C2CD2: variants seen among roughly 807,000 people sequenced by gnomAD.
C2CD2 encodes C2 calcium dependent domain containing 2.
A neutral mutation model predicts 74.3 loss-of-function variants in C2CD2; 43 were observed. The ratio of observed to expected loss-of-function variants is 0.58; its 90% CI spans 0.45 to 0.75. The LOEUF is 0.75. Ranked by LOEUF, C2CD2 falls within the 30% of genes least tolerant of loss-of-function variation. C2CD2 has a pLI of 0.00. For synonymous variants in C2CD2, 422 were observed against 390.7 expected (o/e 1.08, Z -0.94); for missense variants, 801 against 916.3 (o/e 0.87, Z 1.63).
Position 41,953,674 on chromosome 21 carries a change from C to A in C2CD2, c.-26G>T. 7.2e-7 allele frequency: 1 copy of A among 1,382,950 alleles called. No homozygotes were observed. 85.7% of individuals were successfully genotyped at this position (1,382,950 alleles called of 1,614,324 possible). On this transcript the variant is annotated 5_prime_UTR_variant, in exon 1 of 14. Coordinates refer to ENST00000380486, the MANE Select transcript of C2CD2 (RefSeq NM_015500.2). ...GGCGCATCCCCGGCCCGCCTCGCCC[C>A]AACTTCCCCGGCAGCCCCGGGCCGG...
Position 41,907,052 on chromosome 21 carries a change from C to T in C2CD2, c.1258G>A (p.Val420Ile). Residue 420 changes from valine (V) to isoleucine (I), a missense_variant, in exon 10 of 14, where the codon GTC becomes ATC. By Grantham distance (29) the Val-to-Ile change is conservative (BLOSUM62 3). Transcript: ENST00000380486. ...CGAGGCTTGGTCTTCACAGCAGTGA[C>T]AGTAGTGACCACAGTCCCACAGGGC... ...VMPCGTVVTT[V>I]TAVKTKPRVD... 1.9e-6 allele frequency: 3 copies of T among 1,614,100 alleles called. No homozygotes were observed. The highest frequency in any genetic ancestry group is 3.3e-4 in the Middle Eastern group (2 of 6,060).
At chr21:41,940,201 A>T (rs1412882868) in intron 2 of C2CD2, among the ~76,000 whole-genome samples, 1 of 152,218 alleles carries the variant, frequency 6.6e-6, no homozygotes, top group Non-Finnish European at 1.5e-5. Context: ...AAAAAGAGAA[A>T]ATAATTTCAT....
At chr21:41,927,543 T>C (rs543524041) in intron 2 of C2CD2, among the ~76,000 whole-genome samples, 1 of 152,252 alleles carries the variant, frequency 6.6e-6, no homozygotes, top group Non-Finnish European at 1.5e-5. Context: ...GGATCTCGGC[T>C]CACCAAAACC....
intron 2 of C2CD2, among the ~76,000 whole-genome samples, chr21:41,940,199 A>T (rs1473850582): frequency 1.3e-5 from 2 of 152,240 alleles, no homozygotes; most frequent in Non-Finnish European, 2.9e-5. Context: ...CAAAAAAGAG[A>T]AAATAATTTC....
At chr21:41,942,723 G>A (rs148862692) in intron 1 of C2CD2, among the ~76,000 whole-genome samples, 20 of 152,264 alleles carry the variant, frequency 1.3e-4, no homozygotes, top group East Asian at 7.7e-4. Context: ...CTCCTGTTGC[G>A]TGTGGTTGCT....
At chr21:41,938,924 A>C (rs1463194714) in intron 2 of C2CD2, among the ~76,000 whole-genome samples, 1 of 151,968 alleles carries the variant, frequency 6.6e-6, no homozygotes, top group East Asian at 1.9e-4. Context: ...TTGTATATTT[A>C]GTAGAGATGG....
chr21:41,914,774 C>G, intron 5 of C2CD2, 53 bp from the exon 6 acceptor site: 1 of 1,566,270 alleles, frequency 6.4e-7, no homozygotes, highest in Non-Finnish European at 8.7e-7. Context: ...GATTGAGGGC[C>G]AAGGAAGTAG....
chr21:41,929,560 C>T lies in C2CD2; in HGVS notation c.379-7475G>A, dbSNP rs1438744391. 1.3e-5 allele frequency among the ~76,000 whole-genome samples: 2 copies of T among 152,204 alleles called. No individual in the cohort carries two copies. The highest frequency in any genetic ancestry group is 2.9e-5 in the Non-Finnish European group (2 of 68,034). On this transcript the variant is annotated intron_variant, in intron 2 of 13. Coordinates refer to ENST00000380486, the MANE Select transcript of C2CD2 (RefSeq NM_015500.2). The surrounding 1 kb of genome is among the most constrained non-coding windows in gnomAD (Gnocchi z 4.6). ...TCCCTGGCTTCTGAGATGGGCCTTT[C>T]CCCAGACTAGGTGGGTTATAACTTT... is the stretch of plus-strand genomic sequence containing the variant.
rs866108549 is a variant in C2CD2, at chr21:41,953,194, C to T, written c.279+176G>A. The T allele has an allele frequency of 9.6e-6, 4 of 415,622 alleles. No individual in the cohort carries two copies. In the South Asian group the frequency reaches 4.3e-4, roughly 45 times the overall value. 25.7% of individuals were successfully genotyped at this position (415,622 alleles called of 1,614,324 possible). ...AAATCAATCACTTTGTCTTGTCTCTCCGTCAAGGGGCCTCGCTCCCCCGTC... is the reference window on the plus strand; with the variant it reads ...AAATCAATCACTTTGTCTTGTCTCTTCGTCAAGGGGCCTCGCTCCCCCGTC... On this transcript the variant is annotated intron_variant, in intron 1 of 13. Coordinates refer to ENST00000380486, the MANE Select transcript of C2CD2 (RefSeq NM_015500.2).
At position 41,889,339 on chromosome 21, in the gene C2CD2, T is replaced by G. The variant is rs2064720927; in HGVS notation, c.1876A>C (p.Ile626Leu). Residue 626 changes from isoleucine to leucine, a missense_variant, in exon 14 of 14, where the codon ATT (isoleucine) becomes CTT (leucine). By Grantham distance (5) the Ile-to-Leu change is conservative. Coordinates refer to ENST00000380486, the MANE Select transcript of C2CD2 (RefSeq NM_015500.2). The part of the protein sequence containing the change: ...PGTAKKHKGG[I>L]LRKGAKLFFR... ...AACAGCTTTGCACCTTTCCTTAGAA[T>G]TCCTCCTGGAAGAGGGAGGCACAAG... 4 of 1,612,732 alleles carry G rather than the reference T, an allele frequency of 2.5e-6. No individual in the cohort carries two copies. The highest frequency in any genetic ancestry group is 3.4e-6 in the Non-Finnish European group (4 of 1,179,066).
chr21:41,912,774 C>T (rs2065043342), intron 6 of C2CD2, among the ~76,000 whole-genome samples: 1 of 152,190 alleles, frequency 6.6e-6, no homozygotes, highest in Non-Finnish European at 1.5e-5. Flanking sequence ...CAGGCATGAG[C>T]TACCGCGCCC....
rs1286031896 is a variant in C2CD2, at chr21:41,895,901, C to T, written c.1870+3152G>A. 1.3e-5 allele frequency among the ~76,000 whole-genome samples: 2 copies of T among 152,158 alleles called. No individual in the cohort carries two copies. The highest frequency in any genetic ancestry group is 4.8e-5 in the African/African-American group (2 of 41,442). ...GATTTCAACTGGAACCACAGATGGT[C>T]CGTTGATAGAAGCGACTACTTTTTA... On this transcript the variant is annotated intron_variant, in intron 13 of 13. Coordinates refer to ENST00000380486, the MANE Select transcript of C2CD2 (RefSeq NM_015500.2). This position sits in a 1 kb window ranked among gnomAD's most constrained non-coding sequence, Gnocchi z 5.0.
intron 3 of C2CD2, among the ~76,000 whole-genome samples, chr21:41,920,715 T>A (rs1542949): frequency 0.03 from 4,587 of 152,348 alleles, 114 homozygotes; most frequent in South Asian, 0.12. Flanking sequence ...GTAATCCACA[T>A]ATTGGTTCCT....
In C2CD2 at chr21:41,939,650, A is replaced by G. The variant is rs1601600507; in HGVS notation, c.378+2497T>C. On this transcript the variant is annotated intron_variant, in intron 2 of 13. Coordinates refer to ENST00000380486, the MANE Select transcript of C2CD2 (RefSeq NM_015500.2). This position sits in a 1 kb window ranked among gnomAD's most constrained non-coding sequence, Gnocchi z 5.5. ...GGCTGTGCCAGTCTCAGCATCCCGC[A>G]CCGCTGCCATGGGCTTCCTCCTGCA... is the stretch of plus-strand genomic sequence containing the variant. Among the ~76,000 whole-genome samples the G allele has an allele frequency of 6.6e-6, 1 of 152,126 alleles. No individual in the cohort carries two copies. Among genetic ancestry groups the G allele is most frequent in the Non-Finnish European group, 1.5e-5 (1 of 68,026 alleles).
Position 41,926,371 on chromosome 21 carries a change from T to A in C2CD2, c.379-4286A>T. 1.1e-6 allele frequency: 1 copy of A among 946,266 alleles called. No homozygotes were observed. The highest frequency in any genetic ancestry group is 1.3e-6 in the Non-Finnish European group (1 of 794,386). 58.6% of individuals were successfully genotyped at this position (946,266 alleles called of 1,614,324 possible). A position where few individuals can be genotyped will look rare whatever the true frequency, so the allele number is the denominator to read the frequency against. On this transcript the variant is annotated intron_variant, in intron 2 of 13. Coordinates refer to ENST00000380486, the MANE Select transcript of C2CD2 (RefSeq NM_015500.2). This position sits in a 1 kb window ranked among gnomAD's most constrained non-coding sequence, Gnocchi z 8.0. ...GGGGGCTATTCACGGTAAGTCAGGG[T>A]CTCCACATGGAAAGGCCAAGGGGGG...
intron 2 of C2CD2, among the ~76,000 whole-genome samples, chr21:41,922,766 C>T (rs530468994): frequency 4.6e-5 from 7 of 152,276 alleles, no homozygotes; most frequent in South Asian, 4.1e-4. Context: ...TGAGCCACCA[C>T]GCCTGGCCTA....
chr21:41,887,141 T>C lies in C2CD2; in HGVS notation c.*1983A>G, dbSNP rs2064693522. On this transcript the variant is annotated 3_prime_UTR_variant, in exon 14 of 14. Transcript: ENST00000380486. ...ATTCTTAAATATGTCTCAGCCTCTT[T>C]TTACCACATGGCAAAGAGCAGTAAA... is the stretch of plus-strand genomic sequence containing the variant. The C allele has an allele frequency of 6.6e-6, 1 of 152,210 alleles. No homozygotes were observed. The highest frequency in any genetic ancestry group is 2.1e-4 in the South Asian group (1 of 4,834). 9.4% of individuals were successfully genotyped at this position (152,210 alleles called of 1,614,324 possible).
intron 6 of C2CD2, among the ~76,000 whole-genome samples, chr21:41,913,471 C>T (rs557776712): frequency 1.9e-4 from 29 of 152,298 alleles, no homozygotes; most frequent in African/African-American, 5.5e-4. Context: ...GAGGCAGGAA[C>T]GGGGCCTGGC....
intron 13 of C2CD2, among the ~76,000 whole-genome samples, chr21:41,890,456 A>G (rs1194593020): frequency 2.6e-5 from 4 of 152,250 alleles, no homozygotes; most frequent in Non-Finnish European, 4.4e-5. Flanking sequence ...TGGGTGCAAG[A>G]GCCCACTAAT....
Sources: allele counts gnomAD v4.1 joint callset (sites outside exome capture counted in the v4.1 genomes callset), GRCh38; gene constraint gnomAD v4.1.1; non-coding constraint Gnocchi (gnomAD v3.1); transcripts MANE v1.5; gene names NCBI Gene and HGNC (gene_info 2026-07-23, HGNC 2026-07-21).